ANKRD42: variants seen among roughly 807,000 people sequenced by gnomAD.
ANKRD42 encodes ankyrin repeat domain-containing protein 42.
In ANKRD42, 43 loss-of-function variants were observed where a neutral mutation model predicts 51.5. The ratio of observed to expected loss-of-function variants is 0.83; its 90% CI spans 0.65 to 1.08. The LOEUF (loss-of-function observed/expected upper bound fraction) is 1.08. Ranked by LOEUF, ANKRD42 falls within the 50% of genes least tolerant of loss-of-function variation. ANKRD42 has a pLI of 0.00. For synonymous variants in ANKRD42, 203 were observed against 213.0 expected, an observed-to-expected ratio of 0.95 and a Z score of 0.41; for missense variants, 608 against 629.3, an observed-to-expected ratio of 0.97 and a Z score of 0.36.
chr11:83,253,166 T>C (rs886839927), downstream of ANKRD42, among the ~76,000 whole-genome samples: 2 of 152,284 alleles, frequency 1.3e-5, no homozygotes, highest in Non-Finnish European at 1.5e-5. Flanking sequence ...TCCTAGCTTA[T>C]GTACCTAGAG....
At chr11:83,213,332 A>G (rs1039841209) in intron 5 of ANKRD42, 7 of 1,583,588 alleles carry the variant, frequency 4.4e-6, no homozygotes, top group Admixed American at 3.4e-5. Flanking sequence ...GCCATCGTGG[A>G]AAGAGCTGCC....
At chr11:83,228,631 G>A (rs1227540721) in intron 7 of ANKRD42, among the ~76,000 whole-genome samples, 1 of 152,168 alleles carries the variant, frequency 6.6e-6, no homozygotes, top group Non-Finnish European at 1.5e-5. Context: ...ACTTCTGGCA[G>A]TCCTCAGATC....
At chr11:83,231,172 A>G (rs1373073818) in intron 7 of ANKRD42, among the ~76,000 whole-genome samples, 1 of 152,116 alleles carries the variant, frequency 6.6e-6, no homozygotes, top group Non-Finnish European at 1.5e-5. Context: ...TTACATTCTC[A>G]CCAACAGTGT....
chr11:83,252,667 G>A (rs915762966), downstream of ANKRD42, among the ~76,000 whole-genome samples: 6 of 152,112 alleles, frequency 3.9e-5, no homozygotes, highest in African/African-American at 1.4e-4. Flanking sequence ...TGCCTAGGAA[G>A]GGGCAAATGG....
intron 5 of ANKRD42, among the ~76,000 whole-genome samples, chr11:83,221,265 T>C (rs1228849907): frequency 2.0e-5 from 3 of 152,220 alleles, no homozygotes; most frequent in Non-Finnish European, 4.4e-5. Flanking sequence ...TTTTGTTAAA[T>C]TTCTGTGATC....
chr11:83,260,984 C>G (rs1040962176), downstream of ANKRD42: 1 of 152,222 alleles, frequency 6.6e-6, no homozygotes. Context: ...CAGGGATAAA[C>G]TGGTTTTTGA....
At chr11:83,258,253 C>A (rs1863806534), downstream of ANKRD42, among the ~76,000 whole-genome samples, 2 of 151,972 alleles carry the variant, frequency 1.3e-5, no homozygotes, top group African/African-American at 4.8e-5. Context: ...CTTGTTACAG[C>A]AGCTAAATTA....
In ANKRD42 at chr11:83,248,529, G is replaced by A; in HGVS notation, c.*325G>A. On this transcript the variant is annotated 3_prime_UTR_variant, in exon 11 of 11. Coordinates refer to ENST00000533342, the MANE Select transcript of ANKRD42 (RefSeq NM_001300975.2). ...TAATATTCTAAATAACCAAAATAAA[G>A]TGCTTTGAATGGAATCCATATTTTC... 9.9e-7 allele frequency: 1 copy of A among 1,009,960 alleles called. No homozygotes were observed. Among genetic ancestry groups the A allele is most frequent in the Non-Finnish European group, 1.2e-6 (1 of 846,088 alleles). 62.6% of individuals were successfully genotyped at this position (1,009,960 alleles called of 1,614,324 possible).
chr11:83,263,162 C>T (rs1019854311), downstream of ANKRD42, among the ~76,000 whole-genome samples: 1 of 152,140 alleles, frequency 6.6e-6, no homozygotes, highest in Non-Finnish European at 1.5e-5. Context: ...TTGAAAGACT[C>T]AATCTGTCAT....
chr11:83,228,142 G>A (rs1161294988), intron 7 of ANKRD42, among the ~76,000 whole-genome samples: 2 of 145,734 alleles, frequency 1.4e-5, no homozygotes, highest in African/African-American at 5.0e-5. Context: ...GTTAAGATGT[G>A]AAATGTACTG....
intron 7 of ANKRD42, among the ~76,000 whole-genome samples, chr11:83,228,244 T>C (rs1185090809): frequency 0.013 from 1,508 of 113,086 alleles, 161 homozygotes; most frequent in African/African-American, 0.046. Flanking sequence ...TTTTTTTTTT[T>C]TTTTTTTTTT....
intron 9 of ANKRD42, among the ~76,000 whole-genome samples, chr11:83,243,760 C>T (rs1490936008): frequency 6.6e-6 from 1 of 151,834 alleles, no homozygotes; most frequent in Non-Finnish European, 1.5e-5. Context: ...CTCCCGGGTT[C>T]ACGCCATTCT....
chr11:83,243,659 GTATT>G (rs1386945989), intron 9 of ANKRD42, among the ~76,000 whole-genome samples: 1 of 152,238 alleles, frequency 6.6e-6, no homozygotes, highest in Non-Finnish European at 1.5e-5. Context: ...ATGTATGTAT[GTATT>G]TATTTATTTA....
intron 2 of ANKRD42, among the ~76,000 whole-genome samples, chr11:83,201,266 T>C (rs1225779022): frequency 1.3e-5 from 2 of 152,202 alleles, no homozygotes; most frequent in Non-Finnish European, 2.9e-5. Flanking sequence ...TTTCTGTTCC[T>C]GTGTTAGTTT....
chr11:83,206,346 C>T (rs772040723), intron 3 of ANKRD42, among the ~76,000 whole-genome samples, 181 bp downstream of exon 3: 7 of 152,266 alleles, frequency 4.6e-5, no homozygotes, highest in Non-Finnish European at 5.9e-5. Flanking sequence ...GGTATGTGAC[C>T]AGAAATCCTC....
At chr11:83,253,621 T>C (rs1389934922), downstream of ANKRD42, among the ~76,000 whole-genome samples, 1 of 152,336 alleles carries the variant, frequency 6.6e-6, no homozygotes, top group East Asian at 1.9e-4. Flanking sequence ...TGCCTAAGCA[T>C]TATGATTCAT....
At chr11:83,226,500 A>G (rs543232616) in intron 6 of ANKRD42, among the ~76,000 whole-genome samples, 123 of 152,220 alleles carry the variant, frequency 8.1e-4, no homozygotes, top group Non-Finnish European at 1.6e-3. Context: ...TATGGAAAGA[A>G]ACAACCTAGA....
chr11:83,194,912 T>C (rs1008054096), intron 1 of ANKRD42, among the ~76,000 whole-genome samples, 184 bp downstream of exon 1: 3 of 152,192 alleles, frequency 2.0e-5, no homozygotes, highest in Non-Finnish European at 4.4e-5. Flanking sequence ...TATTTCCGCT[T>C]TCTTTCCTTT....
In ANKRD42 at chr11:83,224,500, A is replaced by T. The variant is rs1862812388; in HGVS notation, c.587-355A>T. On this transcript the variant is annotated intron_variant, in intron 5 of 10. Coordinates refer to ENST00000533342, the MANE Select transcript of ANKRD42 (RefSeq NM_001300975.2). The stretch of plus-strand genomic sequence containing the variant: ...ACTAGAAGGCTGACTGTGTAAAGAA[A>T]TGCAGGCTGGGAAAAAGGTCTCTTC... 2.0e-5 allele frequency among the ~76,000 whole-genome samples: 3 copies of T among 152,228 alleles called. No individual in the cohort carries two copies. In the South Asian group the frequency reaches 6.2e-4, roughly 31 times the overall value.
Sources: allele counts gnomAD v4.1 joint callset (sites outside exome capture counted in the v4.1 genomes callset), GRCh38; gene constraint gnomAD v4.1.1; transcripts MANE v1.5; gene names NCBI Gene and HGNC (gene_info 2026-07-23, HGNC 2026-07-21).